ADPRHL1: variants seen among roughly 807,000 people sequenced by gnomAD.
ADPRHL1 encodes the protein inactive ADP-ribosyltransferase ARH2.
In ADPRHL1, 43 loss-of-function variants were observed where a neutral mutation model predicts 44.1. The observed-to-expected ratio is 0.98, with a 90% CI of 0.76 to 1.26. The LOEUF is 1.26. Ranked by LOEUF, ADPRHL1 falls within the 50% of genes most tolerant of loss-of-function variation. The pLI is 0.00. For synonymous variants in ADPRHL1, 878 were observed against 1,017.4 expected (o/e 0.86, Z 2.61); for missense variants, 2,022 against 2,496.9 (o/e 0.81, Z 4.05).
At chr13:113,439,208 C>T (rs1016472892) in intron 2 of ADPRHL1, among the ~76,000 whole-genome samples, 24 of 152,170 alleles carry the variant, frequency 1.6e-4, no homozygotes, top group African/African-American at 4.6e-4. Context: ...CTGCAACCTC[C>T]GCCTCCCGGG....
chr13:113,448,465 CAAAAAAAAAAAAAA>C (rs61278696), intron 1 of ADPRHL1, among the ~76,000 whole-genome samples: 2 of 39,852 alleles, frequency 5.0e-5, no homozygotes, highest in South Asian at 2.4e-3. Flanking sequence ...GACTATGTCC[CAAAAAAAAAAAAAA>C]AAAAAAAAAA....
At position 113,453,288 on chromosome 13, in the gene ADPRHL1, T is replaced by C. The variant is rs746893603; in HGVS notation, c.150A>G (p.Pro50=). 5.6e-6 allele frequency: 9 copies of C among 1,614,062 alleles called. No individual in the cohort carries two copies. Among genetic ancestry groups the C allele is most frequent in the Non-Finnish European group, 3.4e-6 (4 of 1,180,038 alleles). The part of the protein sequence containing the change: ...SGGLDHLVLS[P]GEWPVSDNTI... Reference sequence around the variant, plus strand: ...TGTTGTCACTCACGGGCCATTCTCCTGGCGAGAGTACGAGGTGGTCCAGGC... The same window carrying C: ...TGTTGTCACTCACGGGCCATTCTCCCGGCGAGAGTACGAGGTGGTCCAGGC... Residue 50 remains proline, a synonymous_variant, in exon 1 of 8, where the codon CCA becomes CCG. Transcript: ENST00000612156. This position sits in a 1 kb window ranked among gnomAD's most constrained non-coding sequence, Gnocchi z 5.4.
At chr13:113,427,017 T>G (rs537983301) in intron 4 of ADPRHL1, among the ~76,000 whole-genome samples, 1 of 152,210 alleles carries the variant, frequency 6.6e-6, no homozygotes, top group Non-Finnish European at 1.5e-5. Context: ...AGGGAATTCA[T>G]GAAACTCTGG....
intron 4 of ADPRHL1, 126 bp from the exon 5 acceptor site, chr13:113,425,305 C>T (rs1384581640): frequency 4.3e-6 from 4 of 925,338 alleles, no homozygotes; most frequent in Non-Finnish European, 6.4e-6. Flanking sequence ...CCCCTCTACC[C>T]AGCTGCAGGC....
chr13:113,441,109 C>T lies in ADPRHL1; in HGVS notation c.379+3316G>A, dbSNP rs930863899. On this transcript the variant is annotated intron_variant, in intron 2 of 7. Coordinates refer to ENST00000612156, the MANE Select transcript of ADPRHL1 (RefSeq NM_001394807.1). The surrounding 1 kb of genome is among the most constrained non-coding windows in gnomAD (Gnocchi z 6.0). ...TAGAGGTTGCAGTGAGCCAAAATTGCGCCACTGCACTCCAATCTGGGCGAC... is the reference window on the plus strand; with the variant it reads ...TAGAGGTTGCAGTGAGCCAAAATTGTGCCACTGCACTCCAATCTGGGCGAC... Among the ~76,000 whole-genome samples the T allele has an allele frequency of 9.2e-5, 14 of 152,174 alleles. No homozygotes were observed. The highest frequency in any genetic ancestry group is 3.4e-3 in the Middle Eastern group (1 of 292).
At chr13:113,442,345 T>C (rs1043157289) in intron 2 of ADPRHL1, among the ~76,000 whole-genome samples, 1 of 152,192 alleles carries the variant, frequency 6.6e-6, no homozygotes, top group Non-Finnish European at 1.5e-5. Flanking sequence ...GTCCCATCTA[T>C]GTGGGAGGCT....
intron 2 of ADPRHL1, among the ~76,000 whole-genome samples, chr13:113,442,954 G>C (rs1298736378): frequency 6.6e-6 from 1 of 152,178 alleles, no homozygotes; most frequent in African/African-American, 2.4e-5. Flanking sequence ...TCTTGGAAAT[G>C]TCTAATCTGC....
At chr13:113,437,784 T>C (rs2044071968) in intron 2 of ADPRHL1, among the ~76,000 whole-genome samples, 1 of 152,224 alleles carries the variant, frequency 6.6e-6, no homozygotes, top group Non-Finnish European at 1.5e-5. Flanking sequence ...TCTCTTCTCT[T>C]GGGCGAATGC....
At chr13:113,410,813 C>T (rs1001603258) in intron 7 of ADPRHL1, among the ~76,000 whole-genome samples, 2 of 152,206 alleles carry the variant, frequency 1.3e-5, no homozygotes, top group Non-Finnish European at 2.9e-5. Context: ...GCATTGTGCT[C>T]CCTCTGAAGG....
chr13:113,448,088 A>G (rs2044154565), intron 1 of ADPRHL1, among the ~76,000 whole-genome samples: 1 of 152,168 alleles, frequency 6.6e-6, no homozygotes, highest in South Asian at 2.1e-4. Flanking sequence ...CGAGAAACAG[A>G]TTTTCAAAGC....
At chr13:113,428,671 G>C (rs2139625666) in intron 4 of ADPRHL1, among the ~76,000 whole-genome samples, 1 of 152,384 alleles carries the variant, frequency 6.6e-6, no homozygotes, top group South Asian at 2.1e-4. Context: ...GGGGTGGACG[G>C]GGACGGGTGG....
rs535666172 is a variant in ADPRHL1, at chr13:113,421,396, T to C, written c.1061+1430A>G. On this transcript the variant is annotated intron_variant, in intron 7 of 7. Coordinates refer to ENST00000612156, the MANE Select transcript of ADPRHL1 (RefSeq NM_001394807.1). ...CTGGGACACGCCCACCCCCGGGACT[T>C]GCCCACCCCCAGAACACGTCTACCC... Among the ~76,000 whole-genome samples the C allele has an allele frequency of 2.0e-3, 200 of 100,596 alleles. 1 individual carries two copies. Among genetic ancestry groups the C allele is most frequent in the Non-Finnish European group, 3.2e-3 (161 of 49,708 alleles). 66.0% of individuals were successfully genotyped at this position (100,596 alleles called of 152,430 possible).
chr13:113,451,191 G>A (rs1322391275), intron 1 of ADPRHL1, among the ~76,000 whole-genome samples: 1 of 152,166 alleles, frequency 6.6e-6, no homozygotes, highest in Non-Finnish European at 1.5e-5. Flanking sequence ...TTTTTCCTAG[G>A]CTATGATTAT....
At chr13:113,438,358 A>G (rs1217585842) in intron 2 of ADPRHL1, among the ~76,000 whole-genome samples, 1 of 152,188 alleles carries the variant, frequency 6.6e-6, no homozygotes, top group Non-Finnish European at 1.5e-5. Flanking sequence ...GTCCACCCAT[A>G]TATCTTCTTT....
intron 2 of ADPRHL1, 136 bp from the exon 3 acceptor site, chr13:113,434,003 G>C (rs181283749): frequency 7.0e-5 from 92 of 1,317,146 alleles, no homozygotes; most frequent in Non-Finnish European, 8.8e-5. Flanking sequence ...TTAAATGAGC[G>C]AGCCATGGGC....
chr13:113,451,017 G>A (rs778343437), intron 1 of ADPRHL1, among the ~76,000 whole-genome samples: 1 of 151,290 alleles, frequency 6.6e-6, no homozygotes, highest in African/African-American at 2.4e-5. Flanking sequence ...TGCTACTGCT[G>A]GACCACGATC....
chr13:113,408,179 T>G lies in ADPRHL1; in HGVS notation c.1103A>C (p.Asp368Ala), dbSNP rs2043823605. ...CATCTTCTTCTTCAGGGTTTGGGCG[T>G]CCACAGACATGACGTCACTGCAGGT... The part of the protein sequence containing the change: ...SKTCSDVMSV[D>A]AQTLKKKMGK... The change falls in exon 8 of 8, where the codon GAC (aspartate) becomes GCC (alanine). Residue 368 changes from aspartate (D) to alanine (A), a missense_variant. Coordinates refer to ENST00000612156, the MANE Select transcript of ADPRHL1 (RefSeq NM_001394807.1). 3 of 1,231,996 alleles carry G rather than the reference T, an allele frequency of 2.4e-6. No homozygotes were observed. The highest frequency in any genetic ancestry group is 3.0e-6 in the Non-Finnish European group (3 of 987,980). The allele number at this position is 1,231,996 out of a possible 1,614,324, so 76.3% of individuals were successfully genotyped here.
At chr13:113,431,164 G>A (rs76588700) in intron 3 of ADPRHL1, among the ~76,000 whole-genome samples, 11,211 of 152,220 alleles carry the variant, frequency 0.074, 474 homozygotes, top group Non-Finnish European at 0.095. Context: ...TGGGTGCCGC[G>A]TGCGTTCTGA....
Position 113,441,284 on chromosome 13 carries a change from CTTGT to C in ADPRHL1, c.379+3137_379+3140del, listed in dbSNP as rs2044096683. On this transcript the variant is annotated intron_variant, in intron 2 of 7. Coordinates refer to ENST00000612156, the MANE Select transcript of ADPRHL1 (RefSeq NM_001394807.1). This position sits in a 1 kb window ranked among gnomAD's most constrained non-coding sequence, Gnocchi z 6.0. ...TCGCATTTGGCGTCATTATTATTAT[CTTGT>C]TTGTTTTCTACCTGTACTGTCTAGT... Among the ~76,000 whole-genome samples, 1 of 152,124 alleles carries C rather than the reference CTTGT, an allele frequency of 6.6e-6. No individual in the cohort carries two copies. Among genetic ancestry groups the C allele is most frequent in the African/African-American group, 2.4e-5 (1 of 41,412 alleles).
Sources: allele counts gnomAD v4.1 joint callset (sites outside exome capture counted in the v4.1 genomes callset), GRCh38; gene constraint gnomAD v4.1.1; non-coding constraint Gnocchi (gnomAD v3.1); transcripts MANE v1.5; gene names NCBI Gene and HGNC (gene_info 2026-07-23, HGNC 2026-07-21).